The following CARD19 variants were observed in gnomAD, a reference collection of about 807,000 sequenced individuals.
CARD19 encodes caspase recruitment domain family member 19, also known as caspase recruitment domain-containing protein 19.
A neutral mutation model predicts 24.1 loss-of-function variants in CARD19; 25 were observed. That is an observed-to-expected ratio of 1.04 (90% CI 0.76 to 1.45). The LOEUF (loss-of-function observed/expected upper bound fraction) is 1.45. CARD19 is among the 40% of genes most tolerant of loss of function. The pLI, the probability that CARD19 is intolerant of heterozygous loss-of-function variation, is 0.00. For missense variants in CARD19, 241 were observed against 247.4 expected (o/e 0.97, Z 0.17); for synonymous variants, 103 against 104.9 (o/e 0.98, Z 0.11).
intron 2 of CARD19, chr9:93,110,284 C>T (rs922488532): frequency 3.1e-5 from 13 of 426,112 alleles, no homozygotes; most frequent in South Asian, 1.1e-4. Context: ...CATGAGCCAC[C>T]GCACCTTGCC....
At chr9:93,105,182 G>A (rs1289650328) in intron 1 of CARD19, among the ~76,000 whole-genome samples, 4 of 90,680 alleles carry the variant, frequency 4.4e-5, no homozygotes, top group East Asian at 2.8e-4. Flanking sequence ...GTGTGTGCAC[G>A]CGCGTGTGTG....
rs1217627611 is a variant in CARD19, at chr9:93,112,338, ACCAAGCCAG to A, written c.436+50_436+58del. The A allele has an allele frequency of 4.7e-6, 7 of 1,504,798 alleles. No homozygotes were observed. In the African/African-American group the frequency reaches 9.7e-5, roughly 21 times the overall value. The allele number at this position is 1,504,798 out of a possible 1,614,324, so 93.2% of individuals were successfully genotyped here. ...GGGCTGGGCCTGCCTCCCCTCTGCC[ACCAAGCCAG>A]GGCCCCAGACCCTGCCCAATTTGGG... On this transcript the variant is annotated intron_variant, in intron 5 of 5. Transcript: ENST00000375464.
In CARD19 at chr9:93,096,493, GGTGGTGCGCGAGTGCACCCCCGCGAA is replaced by G. The variant is rs1191373325; in HGVS notation, c.7+148_7+173del. 2.0e-5 allele frequency: 16 copies of G among 812,576 alleles called. No homozygotes were observed. The highest frequency in any genetic ancestry group is 2.6e-5 in the Non-Finnish European group (16 of 610,606). 50.3% of individuals were successfully genotyped at this position (812,576 alleles called of 1,614,324 possible). ...GAGTGACCTTGGCCCGTCAGCTGTC[GGTGGTGCGCGAGTGCACCCCCGCGAA>G]GTGGTGGGTGTCCCGGGGCTTCTAC... On this transcript the variant is annotated intron_variant, in intron 1 of 5. Transcript: ENST00000375464. This position sits in a 1 kb window ranked among gnomAD's most constrained non-coding sequence, Gnocchi z 5.4.
chr9:93,104,269 T>C (rs1310245000), intron 1 of CARD19, among the ~76,000 whole-genome samples: 2 of 152,222 alleles, frequency 1.3e-5, no homozygotes, highest in Non-Finnish European at 2.9e-5. Flanking sequence ...AGTGTTCTTT[T>C]CCATTTTTCT....
chr9:93,111,479 C>A (rs1284633431), intron 3 of CARD19: 1 of 1,085,676 alleles, frequency 9.2e-7, no homozygotes, highest in East Asian at 7.0e-5. Flanking sequence ...GGTCTCTGAC[C>A]CCCTGGAGGC....
chr9:93,106,809 A>G (rs1827281836), intron 1 of CARD19, among the ~76,000 whole-genome samples: 1 of 152,064 alleles, frequency 6.6e-6, no homozygotes, highest in Admixed American at 6.6e-5. Context: ...CTTTGTGTAC[A>G]TGGGGAAACA....
At chr9:93,097,808 G>C (rs929518696) in intron 1 of CARD19, among the ~76,000 whole-genome samples, 2 of 152,228 alleles carry the variant, frequency 1.3e-5, no homozygotes, top group African/African-American at 4.8e-5. Context: ...GGTCCCTGAA[G>C]GCTCTGACTA....
chr9:93,113,039 G>A lies in CARD19; in HGVS notation c.484G>A (p.Val162Ile). 6.2e-7 allele frequency: 1 copy of A among 1,608,808 alleles called. No homozygotes were observed. The highest frequency in any genetic ancestry group is 8.5e-7 in the Non-Finnish European group (1 of 1,177,512). Residue 162 changes from valine to isoleucine, a missense_variant, in exon 6 of 6, where the codon GTC becomes ATC. Physicochemically the swap from Val to Ile is conservative, Grantham distance 29. Transcript: ENST00000375464. ...CCGGCGCGTCCTCGGTTTCTCGCCT[G>A]TCATCATCGACAGACATGTCAGCCG... Reference protein sequence around the residue: ...GTRRVLGFSPVIIDRHVSRYL... With the variant: ...GTRRVLGFSPIIIDRHVSRYL...
intron 3 of CARD19, 161 bp downstream of exon 3, chr9:93,110,882 TG>T: frequency 1.3e-6 from 2 of 1,533,186 alleles, no homozygotes; most frequent in Non-Finnish European, 1.7e-6. Context: ...GGCCACCCTC[TG>T]GCCCCGAGGG....
intron 1 of CARD19, among the ~76,000 whole-genome samples, chr9:93,103,171 A>G (rs1285762293): frequency 6.6e-6 from 1 of 152,156 alleles, no homozygotes; most frequent in Non-Finnish European, 1.5e-5. Flanking sequence ...TATGTTGAAT[A>G]GAAGTGGTAA....
At chr9:93,107,086 GAC>G (rs1256268840) in intron 1 of CARD19, among the ~76,000 whole-genome samples, 1 of 152,156 alleles carries the variant, frequency 6.6e-6, no homozygotes, top group Non-Finnish European at 1.5e-5. Context: ...AGGCCTTGCA[GAC>G]ACACTGTGTC....
chr9:93,100,299 CTG>C (rs1827029998), intron 1 of CARD19, among the ~76,000 whole-genome samples: 1 of 152,192 alleles, frequency 6.6e-6, no homozygotes, highest in Non-Finnish European at 1.5e-5. Flanking sequence ...CATGATGACA[CTG>C]TTTTTGTTTT....
chr9:93,104,272 A>G (rs1428057904), intron 1 of CARD19, among the ~76,000 whole-genome samples: 1 of 151,672 alleles, frequency 6.6e-6, no homozygotes, highest in African/African-American at 2.4e-5. Context: ...GTTCTTTTCC[A>G]TTTTTCTTTT....
chr9:93,104,929 G>A lies in CARD19; in HGVS notation c.8-2745G>A, dbSNP rs1052486275. Among the ~76,000 whole-genome samples, 6 of 151,784 alleles carry A rather than the reference G, an allele frequency of 4.0e-5. No individual in the cohort carries two copies. The East Asian group carries it at 5.8e-4, about 15-fold the overall frequency. On this transcript the variant is annotated intron_variant, in intron 1 of 5. Transcript: ENST00000375464. ...TCTTGATTTTTCTCCACTGTTTTTC[G>A]ATTCTCTATTTCATTTGTCTTCACT...
At chr9:93,099,984 T>G (rs1827018093) in intron 1 of CARD19, among the ~76,000 whole-genome samples, 1 of 152,206 alleles carries the variant, frequency 6.6e-6, no homozygotes, top group Non-Finnish European at 1.5e-5. Context: ...TGGGTTTGCT[T>G]GGTGAATGCC....
At position 93,113,105 on chromosome 9, in the gene CARD19, T is replaced by C; in HGVS notation, c.550T>C (p.Ter184ArgextTer29). 1.9e-6 allele frequency: 3 copies of C among 1,559,786 alleles called. No individual in the cohort carries two copies. Among genetic ancestry groups the C allele is most frequent in the South Asian group, 1.2e-5 (1 of 85,182 alleles). The change falls in exon 6 of 6, where the codon TGA becomes CGA. Residue 184 changes from the stop codon to arginine, a stop_lost. Coordinates refer to ENST00000375464, the MANE Select transcript of CARD19 (RefSeq NM_032310.5). ...AFLADDLGGL[*>R] is the part of the protein sequence containing the mutation. The stretch of plus-strand genomic sequence containing the variant: ...CCTGGCAGATGACCTAGGGGGGCTC[T>C]GACAGACCCTGGACCCAGGGCCTCA...
intron 1 of CARD19, among the ~76,000 whole-genome samples, chr9:93,101,732 C>T (rs142963066): frequency 0.013 from 1,935 of 152,164 alleles, 25 homozygotes; most frequent in African/African-American, 0.04. Context: ...GCCACCGTGC[C>T]GGCCATCACA....
chr9:93,113,022 T>C lies in CARD19; in HGVS notation c.467T>C (p.Val156Ala). The C allele has an allele frequency of 6.2e-7, 1 of 1,609,628 alleles. No homozygotes were observed. Among genetic ancestry groups the C allele is most frequent in the East Asian group, 2.2e-5 (1 of 44,806 alleles). The change falls in exon 6 of 6, where the codon GTC becomes GCC. Residue 156 changes from valine to alanine, a missense_variant. Coordinates refer to ENST00000375464, the MANE Select transcript of CARD19 (RefSeq NM_032310.5). ...AAGGGCCTGCCAGGGACCCGGCGCG[T>C]CCTCGGTTTCTCGCCTGTCATCATC... ...DPKGLPGTRR[V>A]LGFSPVIIDR...
intron 4 of CARD19, 97 bp from the exon 5 acceptor site, chr9:93,112,121 C>T (rs1827516730): frequency 7.2e-7 from 1 of 1,382,118 alleles, no homozygotes; most frequent in African/African-American, 1.4e-5. Context: ...GGCAGCACCT[C>T]AGCCTGGCAC....
Sources: allele counts gnomAD v4.1 joint callset (sites outside exome capture counted in the v4.1 genomes callset), GRCh38; gene constraint gnomAD v4.1.1; non-coding constraint Gnocchi (gnomAD v3.1); transcripts MANE v1.5; gene names NCBI Gene and HGNC (gene_info 2026-07-23, HGNC 2026-07-21).